SWT1: variants seen among roughly 807,000 people sequenced by gnomAD.
SWT1 encodes SWT1 RNA endoribonuclease homolog.
In SWT1, 33 loss-of-function variants were observed where a neutral mutation model predicts 107.3. The observed-to-expected ratio is 0.31, with a 90% CI of 0.23 to 0.41. The LOEUF is 0.41. SWT1 is among the 10% of genes least tolerant of loss of function. The probability of loss-of-function intolerance (pLI) is 1.00; values close to 1 mark genes in which losing one functional copy is unlikely to be tolerated. For synonymous variants in SWT1, 345 were observed against 348.3 expected, an observed-to-expected ratio of 0.99 and a Z score of 0.11; for missense variants, 898 against 1,028.9, an observed-to-expected ratio of 0.87 and a Z score of 1.74.
At position 185,227,341 on chromosome 1, in the gene SWT1, C is replaced by A. The variant is rs1050039832; in HGVS notation, c.2310-4236C>A. On this transcript the variant is annotated intron_variant, in intron 15 of 18. Transcript: ENST00000367500. Reference sequence around the variant, plus strand: ...TTGCCAGTCTCTTCCACTTGGCTTTCATAGATCTTGTCCATGCCAAACCTA... The same window carrying A: ...TTGCCAGTCTCTTCCACTTGGCTTTAATAGATCTTGTCCATGCCAAACCTA... 6 of 731,102 alleles carry A rather than the reference C, an allele frequency of 8.2e-6. No individual in the cohort carries two copies. The African/African-American group carries it at 8.6e-5, about 10-fold the overall frequency. 45.3% of individuals were successfully genotyped at this position (731,102 alleles called of 1,614,324 possible). A position where few individuals can be genotyped will look rare whatever the true frequency, so the allele number is the denominator to read the frequency against.
rs141463646 is a variant in SWT1, at chr1:185,170,757, A to G, written c.224+2359A>G. On this transcript the variant is annotated intron_variant, in intron 4 of 18. Transcript: ENST00000367500. ...GACCTTTTATGGTGGGTGATGGACT[A>G]TGCAGCAGTGCTGAAGGAGCACTGT... is the stretch of plus-strand genomic sequence containing the variant. Among the ~76,000 whole-genome samples, 133 of 152,334 alleles carry G rather than the reference A, an allele frequency of 8.7e-4. 1 individual carries two copies. Among genetic ancestry groups the G allele is most frequent in the African/African-American group, 3.1e-3 (128 of 41,572 alleles).
chr1:185,236,322 T>C (rs1181536349), intron 16 of SWT1, among the ~76,000 whole-genome samples: 2 of 152,076 alleles, frequency 1.3e-5, no homozygotes, highest in African/African-American at 4.8e-5. Context: ...CAAACCATAC[T>C]AGAAGGCTAC....
intron 16 of SWT1, chr1:185,257,810 T>C (rs1352379889): frequency 6.6e-6 from 1 of 152,284 alleles, no homozygotes; most frequent in African/African-American, 2.4e-5. Flanking sequence ...CTGTCCAATT[T>C]ATATATTTTT....
At chr1:185,168,496 C>T (rs10797999) in intron 4 of SWT1, 98 bp downstream of exon 4, 213,974 of 552,836 alleles carry the variant, frequency 0.39, 45,809 homozygotes, top group African/African-American at 0.75. Context: ...AAGAGGACTG[C>T]TTTGCATGCA....
intron 9 of SWT1, among the ~76,000 whole-genome samples, chr1:185,187,133 A>G (rs892009578): frequency 5.4e-5 from 8 of 148,318 alleles, no homozygotes; most frequent in African/African-American, 1.8e-4. Flanking sequence ...GCTCACTGCA[A>G]CCTCCACCTC....
At chr1:185,248,089 G>A (rs1416823661) in intron 16 of SWT1, among the ~76,000 whole-genome samples, 9 of 152,184 alleles carry the variant, frequency 5.9e-5, no homozygotes, top group Non-Finnish European at 1.5e-5. Flanking sequence ...AAAGTCAACA[G>A]TTCCTTCAGA....
Position 185,180,092 on chromosome 1 carries a change from G to A in SWT1, c.967-299G>A, listed in dbSNP as rs550323706. ...CCAGCTACTCAGGTGGCTGAGGCGG[G>A]AGGATCGCTTGAGTCCAGGAGGTTG... On this transcript the variant is annotated intron_variant, in intron 5 of 18. Coordinates refer to ENST00000367500, the MANE Select transcript of SWT1 (RefSeq NM_017673.7). 1.1e-4 allele frequency among the ~76,000 whole-genome samples: 16 copies of A among 152,332 alleles called. No homozygotes were observed. The South Asian group carries it at 1.4e-3, about 14-fold the overall frequency.
chr1:185,250,363 A>G (rs1214476695), intron 16 of SWT1, among the ~76,000 whole-genome samples: 1 of 152,336 alleles, frequency 6.6e-6, no homozygotes, highest in Non-Finnish European at 1.5e-5. Context: ...CTGAGTCTCA[A>G]CAAAAGGTTT....
intron 18 of SWT1, among the ~76,000 whole-genome samples, chr1:185,282,098 T>G (rs1664661297): frequency 1.3e-5 from 2 of 152,224 alleles, no homozygotes; most frequent in Non-Finnish European, 2.9e-5. Context: ...CATAACATTT[T>G]TGGTACTCAT....
chr1:185,192,656 T>C (rs1197397233), intron 10 of SWT1, among the ~76,000 whole-genome samples: 1 of 151,624 alleles, frequency 6.6e-6, no homozygotes, highest in Non-Finnish European at 1.5e-5. Context: ...TCTCTTTTTT[T>C]TTTTTTTTTG....
At chr1:185,254,593 G>A (rs1192642914) in intron 16 of SWT1, among the ~76,000 whole-genome samples, 1 of 150,768 alleles carries the variant, frequency 6.6e-6, no homozygotes, top group Non-Finnish European at 1.5e-5. Flanking sequence ...TTCTCTGATG[G>A]TAGTTTGTAT....
At chr1:185,274,335 A>G (rs1389877346) in intron 17 of SWT1, among the ~76,000 whole-genome samples, 1 of 148,496 alleles carries the variant, frequency 6.7e-6, no homozygotes, top group African/African-American at 2.5e-5. Flanking sequence ...TATAGATGTC[A>G]GATATATATA....
At chr1:185,207,082 T>C (rs931495170) in intron 13 of SWT1, among the ~76,000 whole-genome samples, 1 of 152,258 alleles carries the variant, frequency 6.6e-6, no homozygotes, top group Non-Finnish European at 1.5e-5. Context: ...ATGTTTTACA[T>C]TCTGTTCAGA....
intron 16 of SWT1, among the ~76,000 whole-genome samples, chr1:185,252,009 T>C (rs1662072769): frequency 6.6e-6 from 1 of 151,772 alleles, no homozygotes; most frequent in African/African-American, 2.4e-5. Flanking sequence ...GTGATCTCAT[T>C]GTTCAATTCC....
chr1:185,283,987 G>A (rs1276872443), intron 18 of SWT1, among the ~76,000 whole-genome samples: 1 of 151,986 alleles, frequency 6.6e-6, no homozygotes, highest in East Asian at 1.9e-4. Flanking sequence ...CCATTTTGGG[G>A]GTCATATACC....
chr1:185,264,884 A>G (rs892926477), intron 16 of SWT1, among the ~76,000 whole-genome samples: 8 of 152,194 alleles, frequency 5.3e-5, no homozygotes, highest in Admixed American at 2.0e-4. Context: ...ATTTATTAGT[A>G]TATTCTAATT....
At chr1:185,274,186 GA>G (rs1183971077) in intron 17 of SWT1, among the ~76,000 whole-genome samples, 1 of 149,870 alleles carries the variant, frequency 6.7e-6, no homozygotes, top group African/African-American at 2.5e-5. Context: ...AAAGAAACAA[GA>G]AAAAAATTTA....
intron 16 of SWT1, among the ~76,000 whole-genome samples, chr1:185,269,941 G>A (rs560630437): frequency 1.3e-5 from 2 of 152,228 alleles, no homozygotes; most frequent in African/African-American, 4.8e-5. Context: ...TTCAATTTAC[G>A]ATGGGTTTAT....
chr1:185,243,747 A>AT (rs1036558141), intron 16 of SWT1, among the ~76,000 whole-genome samples: 1 of 152,120 alleles, frequency 6.6e-6, no homozygotes, highest in Non-Finnish European at 1.5e-5. Context: ...AAATTGTCTG[A>AT]TTTTTTTGCT....
Sources: gnomAD v4.1 joint callset for allele counts (sites outside exome capture counted in the v4.1 genomes callset) on GRCh38, gnomAD v4.1.1 for gene constraint, MANE v1.5 for transcripts, NCBI Gene and HGNC (gene_info 2026-07-23, HGNC 2026-07-21) for gene names.